Variants in LUZP2 observed in about 807,000 individuals in gnomAD.
LUZP2 encodes the protein leucine zipper protein 2.
Under a neutral mutation model 51.6 loss-of-function variants are expected in LUZP2, and 52 were observed. The ratio of observed to expected loss-of-function variants is 1.01; its 90% CI spans 0.81 to 1.27. The LOEUF (loss-of-function observed/expected upper bound fraction) is 1.27. Among genes scored for constraint, LUZP2 ranks in the 50% most tolerant of loss-of-function variants. The pLI is 0.00. For missense variants in LUZP2, 436 were observed against 395.4 expected (o/e 1.10, Z -0.87); for synonymous variants, 154 against 137.3 (o/e 1.12, Z -0.85).
At chr11:24,511,595 A>G (rs974619405) in intron 1 of LUZP2, among the ~76,000 whole-genome samples, 2 of 152,054 alleles carry the variant, frequency 1.3e-5, no homozygotes, top group African/African-American at 2.4e-5. Flanking sequence ...ATATTTACCA[A>G]TGATAAAATA....
intron 1 of LUZP2, among the ~76,000 whole-genome samples, chr11:24,698,428 T>C (rs1857316180): frequency 6.6e-6 from 1 of 152,226 alleles, no homozygotes; most frequent in Admixed American, 6.5e-5. Flanking sequence ...GCCATTGATA[T>C]TATTGTGCTT....
intron 6 of LUZP2, among the ~76,000 whole-genome samples, chr11:24,908,038 C>A: frequency 6.6e-6 from 1 of 152,010 alleles, no homozygotes; most frequent in East Asian, 1.9e-4. Context: ...TGTCACAATA[C>A]AATTTCAAAA....
intron 1 of LUZP2, among the ~76,000 whole-genome samples, chr11:24,657,964 A>G (rs1855869054): frequency 6.6e-6 from 1 of 152,218 alleles, no homozygotes; most frequent in Non-Finnish European, 1.5e-5. Context: ...GCTCATGGGT[A>G]GGAAGAATCA....
At chr11:24,843,756 G>A (rs1483400923) in intron 5 of LUZP2, among the ~76,000 whole-genome samples, 3 of 152,104 alleles carry the variant, frequency 2.0e-5, no homozygotes, top group Non-Finnish European at 4.4e-5. Context: ...ATTGAATTAT[G>A]GGGGCGGGTG....
At chr11:24,635,030 T>C (rs2133934071) in intron 1 of LUZP2, among the ~76,000 whole-genome samples, 1 of 152,168 alleles carries the variant, frequency 6.6e-6, no homozygotes, top group Middle Eastern at 3.4e-3. Context: ...TGTTACCTTT[T>C]ACCAGGAAGC....
chr11:24,722,482 A>G (rs1858312853), intron 1 of LUZP2, among the ~76,000 whole-genome samples: 1 of 152,146 alleles, frequency 6.6e-6, no homozygotes, highest in Non-Finnish European at 1.5e-5. Flanking sequence ...CCATAATCCA[A>G]CCACATCCCA....
intron 5 of LUZP2, among the ~76,000 whole-genome samples, chr11:24,881,375 A>T (rs962944898): frequency 5.9e-5 from 9 of 152,060 alleles, no homozygotes; most frequent in Admixed American, 5.9e-4. Context: ...TTTGATAATG[A>T]AATAGAGATA....
At position 25,077,371 on chromosome 11, in the gene LUZP2, A is replaced by G; in HGVS notation, c.901A>G (p.Ser301Gly). ...CSMKHKESPP[S>G]NATAETEPIP... ...CATGAAGCACAAAGAAAGTCCCCCA[A>G]GTAATGCCACTGCAGAAACCGAGCC... The change falls in exon 11 of 12, where the codon AGT becomes GGT. Residue 301 changes from serine to glycine, a missense_variant. Ser to Gly is a moderately conservative substitution (Grantham distance 56). Coordinates refer to ENST00000336930, the MANE Select transcript of LUZP2 (RefSeq NM_001009909.4). 1 of 1,613,224 alleles carries G rather than the reference A, an allele frequency of 6.2e-7. No individual in the cohort carries two copies.
chr11:24,926,191 G>GTATA (rs533130653), intron 7 of LUZP2, among the ~76,000 whole-genome samples: 3 of 147,424 alleles, frequency 2.0e-5, no homozygotes, highest in African/African-American at 7.5e-5. Flanking sequence ...ATATATATGT[G>GTATA]TATATATATA....
At chr11:24,787,602 G>T (rs933733153) in intron 5 of LUZP2, among the ~76,000 whole-genome samples, 3 of 152,064 alleles carry the variant, frequency 2.0e-5, no homozygotes, top group African/African-American at 7.2e-5. Flanking sequence ...TTTCTGCTAT[G>T]TTTGTTTTCA....
At chr11:24,895,533 T>C (rs1382006452) in intron 5 of LUZP2, among the ~76,000 whole-genome samples, 2 of 152,150 alleles carry the variant, frequency 1.3e-5, no homozygotes, top group Non-Finnish European at 2.9e-5. Flanking sequence ...ACTCTTGTAG[T>C]CCTCATTTTC....
At chr11:24,802,111 C>T (rs1590554946) in intron 5 of LUZP2, among the ~76,000 whole-genome samples, 1 of 152,030 alleles carries the variant, frequency 6.6e-6, no homozygotes, top group Non-Finnish European at 1.5e-5. Context: ...ACTATCTTTA[C>T]TTCTAACAGA....
intron 8 of LUZP2, among the ~76,000 whole-genome samples, chr11:24,978,633 A>T (rs1009735157): frequency 6.6e-6 from 1 of 151,798 alleles, no homozygotes; most frequent in Admixed American, 6.6e-5. Flanking sequence ...AATAGAAAAT[A>T]TATGACACAA....
chr11:24,565,487 C>T (rs1242415639), intron 1 of LUZP2, among the ~76,000 whole-genome samples: 1 of 152,086 alleles, frequency 6.6e-6, no homozygotes, highest in Non-Finnish European at 1.5e-5. Context: ...AGAAGGAACA[C>T]TCATGTTCAA....
At chr11:24,613,838 T>C (rs1565029488) in intron 1 of LUZP2, among the ~76,000 whole-genome samples, 2 of 152,024 alleles carry the variant, frequency 1.3e-5, no homozygotes, top group Non-Finnish European at 2.9e-5. Flanking sequence ...AGCTGTATAT[T>C]AAATCTTTCA....
chr11:25,071,028 A>G (rs935936661), intron 10 of LUZP2, among the ~76,000 whole-genome samples: 18 of 151,902 alleles, frequency 1.2e-4, no homozygotes, highest in African/African-American at 4.3e-4. Context: ...CTGACACGAA[A>G]CCATTCGTGT....
intron 5 of LUZP2, among the ~76,000 whole-genome samples, chr11:24,854,181 A>AG (rs1564994944): frequency 6.6e-6 from 1 of 152,222 alleles, no homozygotes; most frequent in Non-Finnish European, 1.5e-5. Context: ...TTCAGAGCCA[A>AG]CAGGCAGGAA....
At chr11:24,703,387 G>T (rs1034525249) in intron 1 of LUZP2, among the ~76,000 whole-genome samples, 2 of 152,180 alleles carry the variant, frequency 1.3e-5, no homozygotes, top group African/African-American at 2.4e-5. Context: ...TACAGAATCA[G>T]AGAGAAAGTG....
At chr11:24,898,154 G>A (rs1853144930) in intron 5 of LUZP2, among the ~76,000 whole-genome samples, 1 of 151,994 alleles carries the variant, frequency 6.6e-6, no homozygotes, top group Admixed American at 6.6e-5. Context: ...TGGTATATCT[G>A]TGAGAAAATA....
Sources: gnomAD v4.1 joint callset for allele counts (sites outside exome capture counted in the v4.1 genomes callset) on GRCh38, gnomAD v4.1.1 for gene constraint, MANE v1.5 for transcripts, NCBI Gene and HGNC (gene_info 2026-07-23, HGNC 2026-07-21) for gene names.